RFX5: variants seen among roughly 807,000 people sequenced by gnomAD.
RFX5 encodes regulatory factor X5.
Under a neutral mutation model 41.2 loss-of-function variants are expected in RFX5, and 30 were observed. That is an observed-to-expected ratio of 0.73 (90% CI 0.54 to 0.99). The LOEUF is 0.99. RFX5 is among the 50% of genes least tolerant of loss of function. The probability of loss-of-function intolerance (pLI) is 0.00; values close to 1 mark genes in which losing one functional copy is unlikely to be tolerated. For missense variants in RFX5, 715 were observed against 773.6 expected (o/e 0.92, Z 0.90); for synonymous variants, 231 against 291.8 (o/e 0.79, Z 2.12).
In RFX5 at chr1:151,344,152, T is replaced by C. The variant is rs1472521288; in HGVS notation, c.555+45A>G. 1.9e-6 allele frequency: 3 copies of C among 1,594,486 alleles called. No homozygotes were observed. In the Admixed American group the frequency reaches 5.0e-5, roughly 27 times the overall value. ...ACATGCCCCAAAGACCTCTGACTTT[T>C]ACCTGGGAGAGAAGAGTGGAATTGG... On this transcript the variant is annotated intron_variant, in intron 8 of 10. Transcript: ENST00000452671.
intron 4 of RFX5, chr1:151,345,393 AGGT>A (rs552517342): frequency 2.2e-4 from 110 of 488,902 alleles, no homozygotes; most frequent in African/African-American, 2.0e-3. Context: ...GCTGATCACA[AGGT>A]CAGGAGATCG....
In RFX5 at chr1:151,341,966, C is replaced by T; in HGVS notation, c.*220G>A. ...ATAGCACAGGGAATACAGGTAAGGT[C>T]ACTACAGATTTATTGGTTACACTAA... is the stretch of plus-strand genomic sequence containing the variant. On this transcript the variant is annotated 3_prime_UTR_variant, in exon 11 of 11. Coordinates refer to ENST00000452671, the MANE Select transcript of RFX5 (RefSeq NM_001025603.2). The T allele has an allele frequency of 2.8e-6, 2 of 719,606 alleles. No individual in the cohort carries two copies. The highest frequency in any genetic ancestry group is 3.0e-5 in the South Asian group (2 of 66,966). 44.6% of individuals were successfully genotyped at this position (719,606 alleles called of 1,614,324 possible). A position where few individuals can be genotyped will look rare whatever the true frequency, so the allele number is the denominator to read the frequency against.
chr1:151,344,541 G>A lies in RFX5; in HGVS notation c.354-5C>T. ...GCAAGACTCTCACAGTACTTCCTGA[G>A]TGAGAGGGGAGCAGAGTGGGAAGAT... On this transcript the variant is annotated splice_region_variant and splice_polypyrimidine_tract_variant and intron_variant, in intron 6 of 10. Transcript: ENST00000452671. 1 of 1,614,230 alleles carries A rather than the reference G, an allele frequency of 6.2e-7. No individual in the cohort carries two copies. Among genetic ancestry groups the A allele is most frequent in the Non-Finnish European group, 8.5e-7 (1 of 1,180,036 alleles).
chr1:151,346,024 T>A, intron 3 of RFX5, 63 bp from the exon 4 acceptor site: 1 of 1,612,312 alleles, frequency 6.2e-7, no homozygotes, highest in Non-Finnish European at 8.5e-7. Flanking sequence ...TTTATCTGAC[T>A]GCTAGGGAGG....
At chr1:151,345,485 G>A (rs1328651907) in intron 4 of RFX5, 5 of 373,438 alleles carry the variant, frequency 1.3e-5, no homozygotes, top group South Asian at 2.2e-5. Context: ...GGTGACGGGC[G>A]CCTGTAGTCC....
Position 151,342,486 on chromosome 1 carries a change from C to T in RFX5, c.1551G>A (p.Arg517=), listed in dbSNP as rs757669682. Residue 517 remains arginine, a synonymous_variant, in exon 11 of 11, where the codon AGG becomes AGA. Coordinates refer to ENST00000452671, the MANE Select transcript of RFX5 (RefSeq NM_001025603.2). ...GEGNSAGGAE[R]PGPMGEAEKG... The stretch of plus-strand genomic sequence containing the variant: ...TTTCAGCCTCTCCCATTGGCCCTGG[C>T]CTCTCTGCCCCTCCAGCTGAGTTGC... 2 of 1,614,172 alleles carry T rather than the reference C, an allele frequency of 1.2e-6. No individual in the cohort carries two copies. The highest frequency in any genetic ancestry group is 1.1e-5 in the South Asian group (1 of 91,086).
rs1322647591 is a variant in RFX5, at chr1:151,344,404, T to C, written c.473+13A>G. On this transcript the variant is annotated intron_variant, in intron 7 of 10. Transcript: ENST00000452671. ...CCAGGTCCTCCACCCCCAACCTCTC[T>C]AGTCAAGGATACTTGGACTGGCCCC... The C allele has an allele frequency of 1.9e-6, 3 of 1,614,060 alleles. No individual in the cohort carries two copies. The highest frequency in any genetic ancestry group is 1.7e-5 in the Admixed American group (1 of 60,004).
chr1:151,343,207 G>T, intron 10 of RFX5, 29 bp from the exon 11 acceptor site: 2 of 1,610,884 alleles, frequency 1.2e-6, no homozygotes, highest in South Asian at 1.1e-5. Context: ...AACACAGTAA[G>T]GTGTGAAGAA....
At chr1:151,344,703 T>TCCCCCCCCCCCCCCCCCCCCCC in intron 6 of RFX5, 25 bp downstream of exon 6, 1 of 1,515,662 alleles carries the variant, frequency 6.6e-7, no homozygotes, top group South Asian at 1.2e-5. Context: ...AATCCACTCA[T>TCCCCCCCCCCCCCCCCCCCCCC]CCCACCACCC....
Position 151,344,811 on chromosome 1 carries a change from C to A in RFX5, c.270G>T (p.Met90Ile), listed in dbSNP as rs1650858648. ...EPSTLSNEEY[M>I]YAYRWIRNHL... ...GGTTGCGGATCCACCTATAGGCATACATGTACTCCTCATTGCTCAGTGTAC... is the reference window on the plus strand; with the variant it reads ...GGTTGCGGATCCACCTATAGGCATAAATGTACTCCTCATTGCTCAGTGTAC... Residue 90 changes from methionine (M) to isoleucine (I), a missense_variant, in exon 6 of 11, where the codon ATG becomes ATT. By Grantham distance (10) the Met-to-Ile change is conservative. Transcript: ENST00000452671. 2 of 1,579,860 alleles carry A rather than the reference C, an allele frequency of 1.3e-6. No individual in the cohort carries two copies. Among genetic ancestry groups the A allele is most frequent in the Non-Finnish European group, 1.7e-6 (2 of 1,158,408 alleles).
rs141342315 is a variant in RFX5, at chr1:151,345,902, C to G, written c.150+26G>C. The G allele has an allele frequency of 6.3e-3, 10,213 of 1,614,068 alleles. 65 individuals carry two copies. Among genetic ancestry groups the G allele is most frequent in the Middle Eastern group, 0.011 (66 of 6,062 alleles). ...CCTCCCTCAGCATTTCCATCCCTCT[C>G]TTGCCCTCTTCCCCAACACACTTAC... On this transcript the variant is annotated intron_variant, in intron 4 of 10. Transcript: ENST00000452671.
In RFX5 at chr1:151,341,442, C is replaced by T. The variant is rs1650441145; in HGVS notation, c.*744G>A. The stretch of plus-strand genomic sequence containing the variant: ...GCTCCTAGTTTCCACTTGGGGAATC[C>T]ATGTGATTTTGGGGAGGCTGACCCC... On this transcript the variant is annotated 3_prime_UTR_variant, in exon 11 of 11. Transcript: ENST00000452671. The T allele has an allele frequency of 6.5e-6, 1 of 153,188 alleles. No homozygotes were observed. The highest frequency in any genetic ancestry group is 6.5e-5 in the Admixed American group (1 of 15,394). The allele number at this position is 153,188 out of a possible 1,614,324, so 9.5% of individuals were successfully genotyped here. A position where few individuals can be genotyped will look rare whatever the true frequency, so the allele number is the denominator to read the frequency against.
At position 151,342,032 on chromosome 1, in the gene RFX5, AG is replaced by A. The variant is rs1650483439; in HGVS notation, c.*153del. 3.8e-6 allele frequency: 4 copies of A among 1,060,968 alleles called. No homozygotes were observed. In the East Asian group the frequency reaches 7.6e-5, roughly 20 times the overall value. The allele number at this position is 1,060,968 out of a possible 1,614,324, so 65.7% of individuals were successfully genotyped here. A position where few individuals can be genotyped will look rare whatever the true frequency, so the allele number is the denominator to read the frequency against. On this transcript the variant is annotated 3_prime_UTR_variant, in exon 11 of 11. Transcript: ENST00000452671. ...GCTGAAAAGGTCAGAGGCAGCAACC[AG>A]GTACTAAGTAGACTGGGTGACTCAG...
At position 151,344,767 on chromosome 1, in the gene RFX5, T is replaced by C. The variant is rs1452643191; in HGVS notation, c.314A>G (p.Asp105Gly). The C allele has an allele frequency of 1.2e-6, 2 of 1,609,184 alleles. No homozygotes were observed. The highest frequency in any genetic ancestry group is 4.5e-5 in the East Asian group (2 of 44,538). The change falls in exon 6 of 11, where the codon GAC (aspartate) becomes GGC (glycine). Residue 105 changes from aspartate to glycine, a missense_variant. Transcript: ENST00000452671. Reference protein sequence around the residue: ...WIRNHLEEHTDTCLPKQSVYD... With the variant: ...WIRNHLEEHTGTCLPKQSVYD... The stretch of plus-strand genomic sequence containing the variant: ...AACACTTTGCTTTGGCAGACAGGTG[T>C]CAGTGTGCTCTTCCAGGTGGTTGCG...
At chr1:151,343,616 G>T in intron 9 of RFX5, 65 bp downstream of exon 9, 2 of 1,543,914 alleles carry the variant, frequency 1.3e-6, no homozygotes, top group Non-Finnish European at 1.8e-6. Context: ...ATTCTAGTGT[G>T]TGGGAGGGCC....
Position 151,344,481 on chromosome 1 carries a change from T to C in RFX5, c.409A>G (p.Lys137Glu), listed in dbSNP as rs1426351884. 1 of 1,614,232 alleles carries C rather than the reference T, an allele frequency of 6.2e-7. No individual in the cohort carries two copies. Among genetic ancestry groups the C allele is most frequent in the Admixed American group, 1.7e-5 (1 of 60,030 alleles). Residue 137 changes from lysine (K) to glutamate (E), a missense_variant, in exon 7 of 11, where the codon AAG (lysine) becomes GAG (glutamate). Transcript: ENST00000452671. ...CRPLSTANFG[K>E]IIREIFPDIK... ...TCAGGGAAGATCTCTCTGATGATCT[T>C]GCCAAAGTTGGCTGTGCTGAGTGGG...
intron 4 of RFX5, chr1:151,345,535 C>G: frequency 2.8e-6 from 1 of 356,398 alleles, no homozygotes; most frequent in South Asian, 2.5e-5. Context: ...TGGCGTGAAC[C>G]TGGGAGGCGG....
rs1314782359 is a variant in RFX5, at chr1:151,346,341, T to C, written c.-13-8A>G. 1.9e-6 allele frequency: 3 copies of C among 1,608,134 alleles called. No individual in the cohort carries two copies. The highest frequency in any genetic ancestry group is 2.2e-5 in the East Asian group (1 of 44,836). ...GCCATCCCGGCATGAGGGCTAGAAT[T>C]GAGAGGGACAGGCATAAAGATGTAA... On this transcript the variant is annotated splice_region_variant and splice_polypyrimidine_tract_variant and intron_variant, in intron 2 of 10. Coordinates refer to ENST00000452671, the MANE Select transcript of RFX5 (RefSeq NM_001025603.2).
At position 151,342,676 on chromosome 1, in the gene RFX5, T is replaced by C; in HGVS notation, c.1361A>G (p.Asp454Gly). The C allele has an allele frequency of 6.2e-7, 1 of 1,614,260 alleles. No homozygotes were observed. The highest frequency in any genetic ancestry group is 1.1e-5 in the South Asian group (1 of 91,092). Residue 454 changes from aspartate to glycine, a missense_variant, in exon 11 of 11, where the codon GAT (aspartate) becomes GGT (glycine). Transcript: ENST00000452671. ...GGCATCACTTGCTGTATCCTCTATA[T>C]CCTGCTTTGCTGCTTTAGCTGGTGG... Reference protein sequence around the residue: ...QAPPAKAAKQDIEDTASDAKR... With the variant: ...QAPPAKAAKQGIEDTASDAKR...
Sources: allele counts gnomAD v4.1 joint callset, GRCh38; gene constraint gnomAD v4.1.1; transcripts MANE v1.5; gene names NCBI Gene and HGNC (gene_info 2026-07-23, HGNC 2026-07-21).